The following RPS6KA3 variants were observed in gnomAD, a reference collection of about 807,000 sequenced individuals.
RPS6KA3 encodes the protein ribosomal protein S6 kinase A3.
In RPS6KA3, 4 loss-of-function variants were observed where a neutral mutation model predicts 67.2. The ratio of observed to expected loss-of-function variants is 0.06; its 90% CI spans 0.03 to 0.14. The LOEUF (loss-of-function observed/expected upper bound fraction) is 0.14, where lower values mean the gene tolerates loss of function less well. Ranked by LOEUF, RPS6KA3 falls within the 10% of genes least tolerant of loss-of-function variation. The probability of loss-of-function intolerance (pLI) is 1.00; values close to 1 mark genes in which losing one functional copy is unlikely to be tolerated. For synonymous variants in RPS6KA3, 182 were observed against 183.7 expected (o/e 0.99, Z 0.07); for missense variants, 204 against 559.0 (o/e 0.36, Z 6.40).
chrX:20,240,042 T>C (rs763022725), intron 1 of RPS6KA3, among the ~76,000 whole-genome samples: 113 of 110,396 alleles, frequency 1.0e-3, no homozygotes, highest in African/African-American at 3.6e-3. Flanking sequence ...GATCATCATG[T>C]ATAAGTATGC....
chrX:20,210,622 T>C (rs1272163126), intron 2 of RPS6KA3, among the ~76,000 whole-genome samples: 10 of 111,601 alleles, frequency 9.0e-5, no homozygotes, highest in African/African-American at 3.3e-4. Flanking sequence ...GAAAAAGGAA[T>C]CCAGGCCCAC....
chrX:20,253,281 G>T (rs2069936539), intron 1 of RPS6KA3, among the ~76,000 whole-genome samples: 1 of 110,225 alleles, frequency 9.1e-6, no homozygotes, highest in African/African-American at 3.3e-5. Flanking sequence ...GCCAGGGTAG[G>T]GTGAGTATTG....
chrX:20,156,477 T>A (rs1033494159), intron 20 of RPS6KA3, among the ~76,000 whole-genome samples: 1 of 111,343 alleles, frequency 9.0e-6, no homozygotes, highest in African/African-American at 3.3e-5. Flanking sequence ...ACATTTTATA[T>A]ATCTTTAAGT....
chrX:20,246,976 A>G (rs78715557), intron 1 of RPS6KA3, among the ~76,000 whole-genome samples: 2,754 of 111,466 alleles, frequency 0.025, 38 homozygotes, highest in Non-Finnish European at 0.038. Context: ...TAATTAAAAT[A>G]TGTATATATA....
At chrX:20,198,787 A>G (rs2068341850) in intron 4 of RPS6KA3, among the ~76,000 whole-genome samples, 2 of 112,555 alleles carry the variant, frequency 1.8e-5, no homozygotes, top group Admixed American at 9.4e-5. Flanking sequence ...TTTTAATAGT[A>G]GGGACAACTA....
At chrX:20,176,738 C>T (rs1472074069) in intron 11 of RPS6KA3, among the ~76,000 whole-genome samples, 1 of 110,708 alleles carries the variant, frequency 9.0e-6, no homozygotes, top group African/African-American at 3.3e-5. Context: ...ACTACAGGCA[C>T]GCACCACCAT....
At chrX:20,155,963 G>C in intron 21 of RPS6KA3, 146 bp downstream of exon 21, 1 of 640,107 alleles carries the variant, frequency 1.6e-6, no homozygotes, top group Non-Finnish European at 2.6e-6. Flanking sequence ...TATGCCTTGA[G>C]CTTTTCGAAG....
intron 3 of RPS6KA3, among the ~76,000 whole-genome samples, chrX:20,206,942 T>C (rs1255760557): frequency 8.9e-6 from 1 of 112,073 alleles, no homozygotes; most frequent in Non-Finnish European, 1.9e-5. Flanking sequence ...GTGAAAAGTA[T>C]GTAAACTGAT....
intron 2 of RPS6KA3, among the ~76,000 whole-genome samples, chrX:20,210,999 TAA>T (rs769291000): frequency 3.5e-5 from 3 of 86,838 alleles, no homozygotes; most frequent in Non-Finnish European, 2.3e-5. Flanking sequence ...TTACCAAATT[TAA>T]AAAAAAAAAA....
At chrX:20,240,883 T>C (rs1245348630) in intron 1 of RPS6KA3, among the ~76,000 whole-genome samples, 2 of 111,376 alleles carry the variant, frequency 1.8e-5, no homozygotes, top group Non-Finnish European at 3.8e-5. Context: ...TCCCAACATG[T>C]GTGCATGTAG....
At chrX:20,228,977 C>T (rs1201557035) in intron 2 of RPS6KA3, among the ~76,000 whole-genome samples, 1 of 111,696 alleles carries the variant, frequency 9.0e-6, no homozygotes, top group African/African-American at 3.3e-5. Context: ...TCTGTAACAA[C>T]GAATGTAGCA....
intron 2 of RPS6KA3, among the ~76,000 whole-genome samples, chrX:20,233,288 A>T (rs2069321994): frequency 1.8e-5 from 2 of 111,947 alleles, no homozygotes; most frequent in African/African-American, 6.5e-5. Flanking sequence ...AATTTGACAA[A>T]TGTCTATTGA....
intron 10 of RPS6KA3, among the ~76,000 whole-genome samples, chrX:20,182,359 A>G (rs747543810): frequency 8.9e-6 from 1 of 112,040 alleles, no homozygotes; most frequent in East Asian, 2.8e-4. Flanking sequence ...GATTTATCTA[A>G]GTTGTTGCAT....
At chrX:20,178,396 CTATT>C (rs1413661869) in intron 10 of RPS6KA3, among the ~76,000 whole-genome samples, 1 of 109,969 alleles carries the variant, frequency 9.1e-6, no homozygotes, top group Non-Finnish European at 1.9e-5. Flanking sequence ...TTGTAGAATG[CTATT>C]TATTATATCC....
At chrX:20,188,068 G>A in intron 8 of RPS6KA3, 98 bp from the exon 9 acceptor site, 1 of 803,941 alleles carries the variant, frequency 1.2e-6, no homozygotes, top group East Asian at 3.4e-5. Flanking sequence ...TCTAATACAA[G>A]TTTTTTTTGT....
At chrX:20,228,530 C>T (rs749135621) in intron 2 of RPS6KA3, among the ~76,000 whole-genome samples, 12 of 111,281 alleles carry the variant, frequency 1.1e-4, no homozygotes, top group Non-Finnish European at 2.3e-4. Flanking sequence ...CCAAGGTGCC[C>T]AAGTATACAG....
rs1228150264 is a variant in RPS6KA3, at chrX:20,152,352, C to A, written c.*3046G>T. 1 of 112,681 alleles carries A rather than the reference C, an allele frequency of 8.9e-6. No homozygotes were observed. Among genetic ancestry groups the A allele is most frequent in the Non-Finnish European group, 1.9e-5 (1 of 53,297 alleles). 9.3% of individuals were successfully genotyped at this position (112,681 alleles called of 1,213,427 possible). ...TGAAAAACTTACCTTCATTTAACATCATCACTTGAAAGGGAAGATACAAAA... is the reference window on the plus strand; with the variant it reads ...TGAAAAACTTACCTTCATTTAACATAATCACTTGAAAGGGAAGATACAAAA... On this transcript the variant is annotated 3_prime_UTR_variant, in exon 22 of 22. Transcript: ENST00000379565.
In RPS6KA3 at chrX:20,153,481, G is replaced by A. The variant is rs1179358925; in HGVS notation, c.*1917C>T. 1 of 111,611 alleles carries A rather than the reference G, an allele frequency of 9.0e-6. No homozygotes were observed. Among genetic ancestry groups the A allele is most frequent in the African/African-American group, 3.3e-5 (1 of 30,696 alleles). 9.2% of individuals were successfully genotyped at this position (111,611 alleles called of 1,213,427 possible). A position where few individuals can be genotyped will look rare whatever the true frequency, so the allele number is the denominator to read the frequency against. ...ATTAAGGAATGACAAGTGGATTTCAGGACATTTAGATAAACCACACTCTCT... is the reference window on the plus strand; with the variant it reads ...ATTAAGGAATGACAAGTGGATTTCAAGACATTTAGATAAACCACACTCTCT... On this transcript the variant is annotated 3_prime_UTR_variant, in exon 22 of 22. Transcript: ENST00000379565.
chrX:20,194,477 AG>A (rs1338439135), intron 5 of RPS6KA3, among the ~76,000 whole-genome samples: 1 of 111,902 alleles, frequency 8.9e-6, no homozygotes, highest in Non-Finnish European at 1.9e-5. Flanking sequence ...GATTTTCAAC[AG>A]GCAAGTCACT....
Sources: gnomAD v4.1 joint callset for allele counts (sites outside exome capture counted in the v4.1 genomes callset) on GRCh38, gnomAD v4.1.1 for gene constraint, MANE v1.5 for transcripts, NCBI Gene and HGNC (gene_info 2026-07-23, HGNC 2026-07-21) for gene names.